The following L3MBTL4 variants were observed in gnomAD, a reference collection of about 807,000 sequenced individuals.
L3MBTL4 encodes L3MBTL histone methyl-lysine binding protein 4.
A neutral mutation model predicts 84.5 loss-of-function variants in L3MBTL4; 70 were observed. The observed-to-expected ratio is 0.83, with a 90% CI of 0.68 to 1.01. L3MBTL4 has a LOEUF of 1.01. Among genes scored for constraint, L3MBTL4 ranks in the 50% least tolerant of loss-of-function variants. L3MBTL4 has a pLI of 0.00. For synonymous variants in L3MBTL4, 274 were observed against 259.8 expected (o/e 1.05, Z -0.52); for missense variants, 715 against 754.8 (o/e 0.95, Z 0.62).
At chr18:6,023,935 T>C (rs1290187827) in intron 16 of L3MBTL4, among the ~76,000 whole-genome samples, 1 of 152,254 alleles carries the variant, frequency 6.6e-6, no homozygotes, top group Admixed American at 6.5e-5. Flanking sequence ...TTACGCTTTT[T>C]ACAAGTCTGT....
At chr18:6,098,942 A>G (rs951791149) in intron 14 of L3MBTL4, among the ~76,000 whole-genome samples, 2 of 152,162 alleles carry the variant, frequency 1.3e-5, no homozygotes, top group Non-Finnish European at 2.9e-5. Flanking sequence ...GGAAGCATGA[A>G]TAGTCATACC....
chr18:6,074,867 T>C (rs1277865987), intron 16 of L3MBTL4, among the ~76,000 whole-genome samples: 2 of 152,112 alleles, frequency 1.3e-5, no homozygotes, highest in African/African-American at 4.8e-5. Flanking sequence ...TATTTTAATA[T>C]AATTCAGCAC....
intron 14 of L3MBTL4, among the ~76,000 whole-genome samples, chr18:6,100,092 T>A (rs1457925440): frequency 6.6e-6 from 1 of 152,202 alleles, no homozygotes; most frequent in Non-Finnish European, 1.5e-5. Context: ...GGAAGAAAGC[T>A]ACTCGCTCTA....
chr18:6,072,569 G>C (rs544664810), intron 16 of L3MBTL4, among the ~76,000 whole-genome samples: 2 of 151,432 alleles, frequency 1.3e-5, no homozygotes, highest in African/African-American at 2.4e-5. Flanking sequence ...GGCCGGGAGC[G>C]GTGGCTCACG....
intron 1 of L3MBTL4, among the ~76,000 whole-genome samples, chr18:6,381,200 C>T (rs1376998310): frequency 3.3e-5 from 5 of 151,980 alleles, no homozygotes; most frequent in Non-Finnish European, 7.4e-5. Flanking sequence ...ATTACTCCAT[C>T]CCTTTATTTG....
intron 13 of L3MBTL4, among the ~76,000 whole-genome samples, chr18:6,163,272 G>GGGGTGTGT (rs1243686744): frequency 4.2e-5 from 4 of 94,884 alleles, no homozygotes; most frequent in Non-Finnish European, 8.2e-5. Context: ...GGGGGGGGTG[G>GGGGTGTGT]GTGTGTGTGT....
chr18:6,320,680 C>A (rs936184712), intron 1 of L3MBTL4, among the ~76,000 whole-genome samples: 1 of 152,122 alleles, frequency 6.6e-6, no homozygotes, highest in Non-Finnish European at 1.5e-5. Context: ...AAACAATCTA[C>A]AAATTCAATG....
At chr18:6,173,104 T>C (rs1428789453) in intron 12 of L3MBTL4, among the ~76,000 whole-genome samples, 1 of 152,180 alleles carries the variant, frequency 6.6e-6, no homozygotes, top group African/African-American at 2.4e-5. Flanking sequence ...TTAACAAGTG[T>C]TCTACATGAA....
intron 1 of L3MBTL4, among the ~76,000 whole-genome samples, chr18:6,370,562 A>G (rs868413630): frequency 2.6e-5 from 4 of 152,194 alleles, no homozygotes; most frequent in African/African-American, 7.2e-5. Context: ...ACATGAGGGT[A>G]CAGCAGGTCC....
intron 13 of L3MBTL4, among the ~76,000 whole-genome samples, chr18:6,161,821 A>C (rs949604326): frequency 6.6e-6 from 1 of 152,088 alleles, no homozygotes; most frequent in Admixed American, 6.6e-5. Flanking sequence ...ATTTTTACTC[A>C]TCCATGGGCA....
chr18:6,297,072 T>A (rs2050137635), intron 4 of L3MBTL4, among the ~76,000 whole-genome samples: 1 of 151,846 alleles, frequency 6.6e-6, no homozygotes, highest in Admixed American at 6.6e-5. Flanking sequence ...ATTTGGGAGG[T>A]CCTTGGTTCC....
At chr18:6,301,051 G>A (rs2050317715) in intron 4 of L3MBTL4, among the ~76,000 whole-genome samples, 1 of 152,038 alleles carries the variant, frequency 6.6e-6, no homozygotes, top group South Asian at 2.1e-4. Flanking sequence ...CATTTAGGGA[G>A]AAAAATCACA....
chr18:6,357,429 G>C (rs149201970), intron 1 of L3MBTL4, among the ~76,000 whole-genome samples: 150 of 152,206 alleles, frequency 9.9e-4, no homozygotes, highest in African/African-American at 3.5e-3. Flanking sequence ...TCTGCAGCTC[G>C]TTTAATTTTG....
chr18:6,179,835 G>C (rs2044387429), intron 12 of L3MBTL4, among the ~76,000 whole-genome samples: 1 of 152,082 alleles, frequency 6.6e-6, no homozygotes, highest in Non-Finnish European at 1.5e-5. Flanking sequence ...TCAAGGTCTT[G>C]CTATGTTGCT....
chr18:6,338,001 G>T (rs370300439), intron 1 of L3MBTL4, among the ~76,000 whole-genome samples: 44 of 152,124 alleles, frequency 2.9e-4, no homozygotes, highest in African/African-American at 1.0e-3. Flanking sequence ...GAATGGCCTT[G>T]TTAAAGTGTT....
At chr18:6,167,946 T>C (rs1165377249) in intron 13 of L3MBTL4, among the ~76,000 whole-genome samples, 1 of 152,032 alleles carries the variant, frequency 6.6e-6, no homozygotes, top group Admixed American at 6.6e-5. Context: ...CAGCCCAAAA[T>C]CTCCTTAAGC....
chr18:6,360,227 C>T (rs142865075), intron 1 of L3MBTL4, among the ~76,000 whole-genome samples: 16 of 152,032 alleles, frequency 1.1e-4, no homozygotes, highest in South Asian at 8.3e-4. Flanking sequence ...CAAAATTTAG[C>T]GGGGTGTGGA....
intron 12 of L3MBTL4, among the ~76,000 whole-genome samples, chr18:6,203,395 T>C (rs143181699): frequency 3.0e-3 from 461 of 152,274 alleles, no homozygotes; most frequent in Middle Eastern, 6.8e-3. Context: ...TACCTGAAGT[T>C]TATTCCAAAA....
chr18:6,352,880 T>C (rs2053263915), intron 1 of L3MBTL4, among the ~76,000 whole-genome samples: 1 of 152,242 alleles, frequency 6.6e-6, no homozygotes, highest in South Asian at 2.1e-4. Flanking sequence ...CCTTCTATTT[T>C]TATCCTAAAT....
Sources: allele counts gnomAD v4.1 joint callset (sites outside exome capture counted in the v4.1 genomes callset), GRCh38; gene constraint gnomAD v4.1.1; transcripts MANE v1.5; gene names NCBI Gene and HGNC (gene_info 2026-07-23, HGNC 2026-07-21).